The following METTL3 variants were observed in gnomAD, a reference collection of about 807,000 sequenced individuals.
METTL3 encodes the protein N(6)-adenosine-methyltransferase catalytic subunit METTL3.
A neutral mutation model predicts 64.3 loss-of-function variants in METTL3; 42 were observed. That is an observed-to-expected ratio of 0.65 (90% CI 0.51 to 0.84). The LOEUF (loss-of-function observed/expected upper bound fraction) is 0.84. METTL3 is among the 40% of genes least tolerant of loss of function. The pLI, the probability that METTL3 is intolerant of heterozygous loss-of-function variation, is 0.00. For synonymous variants in METTL3, 256 were observed against 263.6 expected (o/e 0.97, Z 0.28); for missense variants, 435 against 722.3 (o/e 0.60, Z 4.56).
rs778819712 is a variant in METTL3 at position 21,500,532 on chromosome 14, G to A, written c.1267C>T (p.Gln423Ter). 10 of 1,614,112 alleles carry A rather than the reference G, an allele frequency of 6.2e-6. No homozygotes were observed. The highest frequency in any genetic ancestry group is 1.3e-5 in the African/African-American group (1 of 75,006). ...EMRRLNIPVL[Q>*]DDGFLFLWVT... ...CAGAGGAAGAGAAAGCCATCATCCT[G>A]TAGTACGGGTATGTTGAGCCTGCGC... Residue 423 changes from glutamine (Q) to a stop codon, truncating the protein, a stop_gained, in exon 6 of 11, where the codon CAG becomes TAG. Coordinates refer to ENST00000298717, the MANE Select transcript of METTL3 (RefSeq NM_019852.5). LOFTEE classifies it high-confidence loss of function.
At chr14:21,504,590 ATAAG>A (rs1891651661) in intron 1 of METTL3, 1 of 152,254 alleles carries the variant, frequency 6.6e-6, no homozygotes, top group Admixed American at 6.5e-5. Flanking sequence ...AAATTGCTAA[ATAAG>A]TAGGCCATTA....
At position 21,503,586 on chromosome 14, in the gene METTL3, C is replaced by G. The variant is rs2242526; in HGVS notation, c.319-9G>C. 0.42 allele frequency: 672,542 copies of G among 1,611,874 alleles called. 141,765 individuals are homozygous for G. Among genetic ancestry groups the G allele is most frequent in the Middle Eastern group, 0.52 (3,130 of 6,056 alleles). On this transcript the variant is annotated splice_polypyrimidine_tract_variant and intron_variant, in intron 2 of 10. Transcript: ENST00000298717. ...GTGGCAGGAGCATCTGGCTAGAGAACGAGGGGAGGTATGGGCAATAAGACA... is the reference window on the plus strand; with the variant it reads ...GTGGCAGGAGCATCTGGCTAGAGAAGGAGGGGAGGTATGGGCAATAAGACA...
chr14:21,506,163 A>G (rs190883325), intron 1 of METTL3, among the ~76,000 whole-genome samples: 10 of 152,232 alleles, frequency 6.6e-5, no homozygotes, highest in African/African-American at 2.4e-4. Flanking sequence ...CATGAGATAT[A>G]TAACACCCAT....
intron 3 of METTL3, 101 bp from the exon 4 acceptor site, chr14:21,502,004 T>A: frequency 3.7e-6 from 3 of 803,196 alleles, no homozygotes; most frequent in Non-Finnish European, 3.7e-6. Flanking sequence ...TTCTAAGAGA[T>A]AAATCAACTT....
Position 21,500,683 on chromosome 14 carries a change from CT to C in METTL3, c.1117-2del. 6.2e-7 allele frequency: 1 copy of C among 1,611,156 alleles called. No homozygotes were observed. The highest frequency in any genetic ancestry group is 8.5e-7 in the Non-Finnish European group (1 of 1,178,028). ...GGTAGCGGATATCACAACAGATCCACTGCATAAAGTGGTATTTGGTCATCTT... is the reference window on the plus strand; with the variant it reads ...GGTAGCGGATATCACAACAGATCCACGCATAAAGTGGTATTTGGTCATCTT... On this transcript the variant is annotated splice_acceptor_variant, in intron 5 of 10. Transcript: ENST00000298717. LOFTEE classifies it high-confidence loss of function.
intron 1 of METTL3, chr14:21,508,287 G>A (rs558745798): frequency 5.7e-4 from 87 of 151,592 alleles, no homozygotes; most frequent in African/African-American, 2.0e-3. Context: ...CACAGAAAAG[G>A]GTCTTAGCTA....
chr14:21,500,420 C>T, intron 6 of METTL3, 75 bp downstream of exon 6: 1 of 1,487,016 alleles, frequency 6.7e-7, no homozygotes, highest in Non-Finnish European at 9.3e-7. Context: ...CTAGGAAAAC[C>T]CAGGATTTTA....
chr14:21,503,951 A>AT (rs1891635976), intron 1 of METTL3, 70 bp from the exon 2 acceptor site: 2 of 1,372,720 alleles, frequency 1.5e-6, no homozygotes, highest in Non-Finnish European at 2.0e-6. Context: ...GAGAAGTCAA[A>AT]TTCTCTAGCA....
intron 1 of METTL3, chr14:21,507,934 T>C (rs1891737651): frequency 6.6e-6 from 1 of 152,084 alleles, no homozygotes; most frequent in Non-Finnish European, 1.5e-5. Flanking sequence ...GAAGACAAGA[T>C]ACATTTAATT....
chr14:21,503,443 G>A lies in METTL3; in HGVS notation c.453C>T (p.Ser151=). 1 of 1,613,944 alleles carries A rather than the reference G, an allele frequency of 6.2e-7. No individual in the cohort carries two copies. Among genetic ancestry groups the A allele is most frequent in the Non-Finnish European group, 8.5e-7 (1 of 1,180,038 alleles). ...CAGCACCCATCATGGCAGAGAGCTT[G>A]GAATGGTCAGCATAGGTTACAAGAG... ...HPTLVTYADH[S]KLSAMMGAVA... The change falls in exon 3 of 11, where the codon TCC becomes TCT. Residue 151 remains serine (S), a synonymous_variant. Transcript: ENST00000298717.
intron 1 of METTL3, among the ~76,000 whole-genome samples, chr14:21,505,883 TTTAA>T (rs71112594): frequency 0.12 from 18,534 of 152,188 alleles, 1,222 homozygotes; most frequent in Admixed American, 0.22. Flanking sequence ...TGATTCACCC[TTTAA>T]TTAAGAGAAC....
At chr14:21,498,876 A>T (rs991391061) in intron 10 of METTL3, 149 bp downstream of exon 10, 16 of 619,496 alleles carry the variant, frequency 2.6e-5, no homozygotes, top group Admixed American at 5.8e-5. Flanking sequence ...GAATCTCATA[A>T]AACAGTTTAA....
intron 1 of METTL3, chr14:21,505,028 T>A (rs756022779): frequency 1.3e-5 from 2 of 151,410 alleles, no homozygotes; most frequent in African/African-American, 4.9e-5. Context: ...CAGGGCTTGG[T>A]GTGGTGCCTT....
At chr14:21,506,602 T>C (rs1891703751) in intron 1 of METTL3, among the ~76,000 whole-genome samples, 1 of 152,186 alleles carries the variant, frequency 6.6e-6, no homozygotes, top group Non-Finnish European at 1.5e-5. Flanking sequence ...CAAAGAGATA[T>C]TCATACACCC....
chr14:21,509,330 A>G (rs544639693), intron 1 of METTL3, among the ~76,000 whole-genome samples: 5 of 152,262 alleles, frequency 3.3e-5, no homozygotes, highest in African/African-American at 1.2e-4. Flanking sequence ...ACAGAGGGAG[A>G]CCCTGTCTCT....
chr14:21,499,412 C>G, intron 8 of METTL3, 41 bp from the exon 9 acceptor site: 1 of 1,613,056 alleles, frequency 6.2e-7, no homozygotes, highest in East Asian at 2.2e-5. Flanking sequence ...GAAACCACAC[C>G]TTTGAACTTT....
Position 21,511,234 on chromosome 14 carries a change from C to G in METTL3, c.-11G>C, listed in dbSNP as rs1891829958. 9 of 1,612,226 alleles carry G rather than the reference C, an allele frequency of 5.6e-6. No individual in the cohort carries two copies. In the East Asian group the frequency reaches 2.0e-4, roughly 36 times the overall value. ...CCACGTGTCCGACATCCTAGTCTCC[C>G]AGCCCTGACACCTCTCGAATAAGGC... On this transcript the variant is annotated 5_prime_UTR_variant, in exon 1 of 11. Transcript: ENST00000298717.
Position 21,501,728 on chromosome 14 carries a change from C to T in METTL3, c.899G>A (p.Arg300Lys), listed in dbSNP as rs1310005715. 6.2e-7 allele frequency: 1 copy of T among 1,614,092 alleles called. No homozygotes were observed. Among genetic ancestry groups the T allele is most frequent in the Admixed American group, 1.7e-5 (1 of 60,020 alleles). The part of the protein sequence containing the change: ...ADRPCRKLHF[R>K]RIINKHTDES... ...CCCACCTCATTCCCTTCCAAGAGAC[C>T]TGAAGTGCAGCTTGCGACAGGGTCG... Residue 300 changes from arginine to lysine, a missense_variant and splice_region_variant, in exon 4 of 11, where the codon AGA (arginine) becomes AAA (lysine). Physicochemically the swap from Arg to Lys is conservative, Grantham distance 26. Transcript: ENST00000298717.
At position 21,499,471 on chromosome 14, in the gene METTL3, T is replaced by C. The variant is rs77798186; in HGVS notation, c.1452+21A>G. ...TCTTCTTTGTGCTCCACCTATTGAATTGGGCCCCACTGCTGCTCACCAAGC... is the reference window on the plus strand; with the variant it reads ...TCTTCTTTGTGCTCCACCTATTGAACTGGGCCCCACTGCTGCTCACCAAGC... On this transcript the variant is annotated intron_variant, in intron 8 of 10. Coordinates refer to ENST00000298717, the MANE Select transcript of METTL3 (RefSeq NM_019852.5). 3.2e-3 allele frequency: 5,079 copies of C among 1,610,646 alleles called. 124 individuals carry two copies. In the African/African-American group the frequency reaches 0.06, roughly 19 times the overall value.
Sources: gnomAD v4.1 joint callset for allele counts (sites outside exome capture counted in the v4.1 genomes callset) on GRCh38, gnomAD v4.1.1 for gene constraint, MANE v1.5 for transcripts, NCBI Gene and HGNC (gene_info 2026-07-23, HGNC 2026-07-21) for gene names.